Variants in RGL1 observed in about 807,000 individuals in gnomAD.
The protein encoded by RGL1 is ral guanine nucleotide dissociation stimulator-like 1.
RGL1 carries 24 observed loss-of-function variants against 95.2 expected under a neutral mutation model. The observed-to-expected ratio is 0.25, with a 90% CI of 0.18 to 0.35. RGL1 has a LOEUF of 0.35. Ranked by LOEUF, RGL1 falls within the 10% of genes least tolerant of loss-of-function variation. RGL1 has a pLI of 1.00. For synonymous variants in RGL1, 329 were observed against 344.9 expected (o/e 0.95, Z 0.51); for missense variants, 715 against 936.3 (o/e 0.76, Z 3.08).
intron 1 of RGL1, among the ~76,000 whole-genome samples, chr1:183,672,307 G>T (rs1411520639): frequency 6.6e-6 from 1 of 152,074 alleles, no homozygotes; most frequent in Non-Finnish European, 1.5e-5. Flanking sequence ...CAAATTTCAT[G>T]ATTCTTATTT....
upstream of RGL1, among the ~76,000 whole-genome samples, chr1:183,800,499 A>G (rs986659803): frequency 6.6e-6 from 1 of 152,200 alleles, no homozygotes; most frequent in African/African-American, 2.4e-5. Context: ...ACACAAAACT[A>G]TTCCTAGAAC....
At chr1:183,750,074 T>C (rs978026960) in intron 2 of RGL1, among the ~76,000 whole-genome samples, 3 of 152,152 alleles carry the variant, frequency 2.0e-5, no homozygotes, top group Non-Finnish European at 4.4e-5. Context: ...TTAGTGGTGC[T>C]CTCTGCATTT....
At chr1:183,892,504 C>A (rs1338242565) in intron 9 of RGL1, among the ~76,000 whole-genome samples, 1 of 152,122 alleles carries the variant, frequency 6.6e-6, no homozygotes, top group Non-Finnish European at 1.5e-5. Flanking sequence ...TCCTTCTCAG[C>A]AAAACATCTA....
At chr1:183,810,011 G>A (rs1015506858) in intron 2 of RGL1, among the ~76,000 whole-genome samples, 7 of 152,304 alleles carry the variant, frequency 4.6e-5, no homozygotes, top group African/African-American at 1.2e-4. Flanking sequence ...ATTTTTGGAA[G>A]AGCAAAGTGT....
At chr1:183,924,487 TA>T (rs1159623778) in intron 17 of RGL1, among the ~76,000 whole-genome samples, 2 of 151,626 alleles carry the variant, frequency 1.3e-5, no homozygotes, top group African/African-American at 4.9e-5. Flanking sequence ...GGTGGAAGAC[TA>T]GGGGAAGGAT....
At chr1:183,817,836 A>G (rs56346943) in intron 2 of RGL1, among the ~76,000 whole-genome samples, 1,892 of 152,314 alleles carry the variant, frequency 0.012, 15 homozygotes, top group Non-Finnish European at 0.017. Context: ...TGTGCAAAGC[A>G]ATGGTACTGT....
At chr1:183,756,586 C>T (rs761830831) in intron 2 of RGL1, among the ~76,000 whole-genome samples, 10 of 152,070 alleles carry the variant, frequency 6.6e-5, no homozygotes, top group Non-Finnish European at 1.2e-4. Context: ...TTAGGATGGC[C>T]GAAAATACTT....
intron 17 of RGL1, among the ~76,000 whole-genome samples, chr1:183,923,525 G>A (rs1572611224): frequency 6.6e-6 from 1 of 152,126 alleles, no homozygotes; most frequent in East Asian, 1.9e-4. Context: ...GGTGAGGCTG[G>A]TGGGTCTAAA....
intron 1 of RGL1, among the ~76,000 whole-genome samples, chr1:183,712,168 T>A (rs959523647): frequency 6.6e-6 from 1 of 152,264 alleles, no homozygotes; most frequent in Non-Finnish European, 1.5e-5. Context: ...TGGCAGGAAC[T>A]GGCCTGGGAG....
chr1:183,793,726 T>G (rs1660547855), intron 2 of RGL1, among the ~76,000 whole-genome samples: 1 of 151,758 alleles, frequency 6.6e-6, no homozygotes, highest in African/African-American at 2.4e-5. Context: ...GAATGACTAT[T>G]ATCAAAAAGA....
intron 1 of RGL1, chr1:183,647,697 T>A: frequency 1.2e-6 from 2 of 1,600,676 alleles, no homozygotes; most frequent in East Asian, 4.5e-5. Context: ...CCCTTTCTTC[T>A]TCTTCTTTTC....
At chr1:183,899,322 C>T (rs773994946) in intron 10 of RGL1, among the ~76,000 whole-genome samples, 1 of 152,242 alleles carries the variant, frequency 6.6e-6, no homozygotes, top group Non-Finnish European at 1.5e-5. Flanking sequence ...ATCCGGCATA[C>T]CAACTGCATT....
In RGL1 at chr1:183,712,513, G is replaced by A. The variant is rs182473634; in HGVS notation, c.-32-29613G>A. On this transcript the variant is annotated intron_variant, in intron 1 of 18. Transcript: ENST00000304685. ...AGAGAGAGAGTGTGTGTGTGTGCAC[G>A]TGTGCACACATGCACACACATTCAT... Among the ~76,000 whole-genome samples the A allele has an allele frequency of 2.5e-3, 378 of 152,268 alleles. 3 individuals are homozygous for A. The highest frequency in any genetic ancestry group is 0.019 in the South Asian group (91 of 4,820).
intron 2 of RGL1, among the ~76,000 whole-genome samples, chr1:183,760,852 A>G (rs1026427254): frequency 2.6e-5 from 4 of 152,216 alleles, no homozygotes; most frequent in Admixed American, 6.5e-5. Context: ...TCATTTCACC[A>G]CATTCGCAGC....
At chr1:183,764,366 A>G (rs1412478155) in intron 2 of RGL1, among the ~76,000 whole-genome samples, 2 of 152,174 alleles carry the variant, frequency 1.3e-5, no homozygotes, top group Non-Finnish European at 2.9e-5. Context: ...GAACTGATCA[A>G]TAGGAAGTAG....
intron 1 of RGL1, chr1:183,648,171 C>T (rs1369090871): frequency 6.2e-7 from 1 of 1,614,206 alleles, no homozygotes; most frequent in Admixed American, 1.7e-5. Flanking sequence ...TCCTGAGACA[C>T]CACTTATAAA....
At chr1:183,657,503 A>AT in intron 1 of RGL1, among the ~76,000 whole-genome samples, 1 of 149,892 alleles carries the variant, frequency 6.7e-6, no homozygotes, top group East Asian at 2.0e-4. Context: ...ATGTGTTCTC[A>AT]TTGTTCAATT....
At chr1:183,694,933 A>C (rs1654167719) in intron 1 of RGL1, among the ~76,000 whole-genome samples, 1 of 152,250 alleles carries the variant, frequency 6.6e-6, no homozygotes, top group African/African-American at 2.4e-5. Context: ...AAAATGTAGT[A>C]AGATCAGCCT....
At chr1:183,739,920 G>T (rs1016743687) in intron 1 of RGL1, among the ~76,000 whole-genome samples, 1 of 152,192 alleles carries the variant, frequency 6.6e-6, no homozygotes, top group Non-Finnish European at 1.5e-5. Context: ...AAGCTGTGGG[G>T]TCTCTGGAAC....
Sources: gnomAD v4.1 joint callset for allele counts (sites outside exome capture counted in the v4.1 genomes callset) on GRCh38, gnomAD v4.1.1 for gene constraint, MANE v1.5 for transcripts, NCBI Gene and HGNC (gene_info 2026-07-23, HGNC 2026-07-21) for gene names.